The following PSMB7 variants were observed in gnomAD, a reference collection of about 807,000 sequenced individuals.
PSMB7 encodes proteasome 20S subunit beta 7, also known as proteasome subunit beta type-7.
PSMB7 carries 5 observed loss-of-function variants against 28.1 expected under a neutral mutation model. The observed-to-expected ratio is 0.18, with a 90% CI of 0.09 to 0.37. The LOEUF (loss-of-function observed/expected upper bound fraction) is 0.37. PSMB7 is among the 10% of genes least tolerant of loss of function. PSMB7 has a pLI of 1.00. For synonymous variants in PSMB7, 122 were observed against 123.7 expected, an observed-to-expected ratio of 0.99 and a Z score of 0.09; for missense variants, 275 against 346.2, an observed-to-expected ratio of 0.79 and a Z score of 1.63.
In PSMB7 at chr9:124,405,427, T is replaced by C. The variant is rs1468110590; in HGVS notation, c.401A>G (p.Gln134Arg). 6.3e-7 allele frequency: 1 copy of C among 1,594,980 alleles called. No individual in the cohort carries two copies. Among genetic ancestry groups the C allele is most frequent in the Non-Finnish European group, 8.6e-7 (1 of 1,162,756 alleles). ...RMLKQMLFRYQGYIGAALVLG... is the reference protein window; with the variant it reads ...RMLKQMLFRYRGYIGAALVLG... ...AACTAGGGCTGCACCAATGTAACCTTGATACCTGGTGATCAGAGTATGCAT... is the reference window on the plus strand; with the variant it reads ...AACTAGGGCTGCACCAATGTAACCTCGATACCTGGTGATCAGAGTATGCAT... The change falls in exon 5 of 8, where the codon CAA becomes CGA. Residue 134 changes from glutamine to arginine, a missense_variant. Transcript: ENST00000259457.
At chr9:124,359,428 T>C (rs1023563559) in intron 6 of PSMB7, among the ~76,000 whole-genome samples, 1 of 152,242 alleles carries the variant, frequency 6.6e-6, no homozygotes, top group African/African-American at 2.4e-5. Context: ...GTTGGGCACT[T>C]TGATGATCAT....
intron 4 of PSMB7, among the ~76,000 whole-genome samples, chr9:124,411,265 C>G (rs1291466729): frequency 6.6e-6 from 1 of 152,172 alleles, no homozygotes; most frequent in Non-Finnish European, 1.5e-5. Context: ...TGCCACCGTG[C>G]CAAGCCAAAA....
intron 6 of PSMB7, among the ~76,000 whole-genome samples, chr9:124,374,394 A>G (rs945134191): frequency 6.6e-6 from 1 of 152,268 alleles, no homozygotes; most frequent in African/African-American, 2.4e-5. Flanking sequence ...ATAGGTGTGA[A>G]TTATCAATGA....
intron 4 of PSMB7, among the ~76,000 whole-genome samples, chr9:124,409,617 T>G (rs1588583570): frequency 6.6e-6 from 1 of 152,260 alleles, no homozygotes; most frequent in East Asian, 1.9e-4. Flanking sequence ...GAACACCTTG[T>G]ACTCTTTTTC....
intron 6 of PSMB7, among the ~76,000 whole-genome samples, chr9:124,357,792 G>A (rs373669285): frequency 1.3e-5 from 2 of 152,202 alleles, no homozygotes; most frequent in Admixed American, 6.5e-5. Context: ...TAAGAGTCTA[G>A]CAGGGGCACC....
intron 5 of PSMB7, among the ~76,000 whole-genome samples, chr9:124,386,142 T>G (rs1442902069): frequency 1.4e-5 from 2 of 141,708 alleles, no homozygotes; most frequent in African/African-American, 5.3e-5. Flanking sequence ...AATTTTTTTC[T>G]CCTTAAAAAA....
chr9:124,388,481 TATTTTA>T (rs1292773678), intron 5 of PSMB7, among the ~76,000 whole-genome samples: 6 of 152,236 alleles, frequency 3.9e-5, no homozygotes, highest in Non-Finnish European at 7.3e-5. Context: ...CCATGCGGCC[TATTTTA>T]GGTCATTTCA....
At chr9:124,367,122 T>A (rs1830516284) in intron 6 of PSMB7, among the ~76,000 whole-genome samples, 1 of 152,000 alleles carries the variant, frequency 6.6e-6, no homozygotes, top group Non-Finnish European at 1.5e-5. Context: ...CAATGAGAGA[T>A]GGTGGCGGGG....
intron 6 of PSMB7, among the ~76,000 whole-genome samples, chr9:124,374,311 T>C (rs570312503): frequency 6.6e-6 from 1 of 152,350 alleles, no homozygotes; most frequent in Non-Finnish European, 1.5e-5. Flanking sequence ...TAAGATTGAC[T>C]GTGGTAATAG....
At chr9:124,398,120 C>T (rs1830859975) in intron 5 of PSMB7, among the ~76,000 whole-genome samples, 1 of 151,712 alleles carries the variant, frequency 6.6e-6, no homozygotes, top group South Asian at 2.1e-4. Context: ...CTGCAGTGAG[C>T]CAAAATCGAG....
chr9:124,359,780 T>C (rs1830450081), intron 6 of PSMB7, among the ~76,000 whole-genome samples: 2 of 152,126 alleles, frequency 1.3e-5, no homozygotes, highest in South Asian at 2.1e-4. Flanking sequence ...CCATTGGGGG[T>C]TGGAGGGCAG....
chr9:124,376,892 C>T (rs982154856), intron 6 of PSMB7, among the ~76,000 whole-genome samples: 1 of 152,114 alleles, frequency 6.6e-6, no homozygotes, highest in Non-Finnish European at 1.5e-5. Context: ...AAAATGGAGA[C>T]AACAAAGTAC....
chr9:124,397,006 CA>C (rs1830849817), intron 5 of PSMB7, among the ~76,000 whole-genome samples: 2 of 152,074 alleles, frequency 1.3e-5, no homozygotes, highest in Non-Finnish European at 2.9e-5. Context: ...TAGCCTCTTC[CA>C]AATTACTCTC....
intron 6 of PSMB7, among the ~76,000 whole-genome samples, chr9:124,367,858 A>G (rs10818950): frequency 0.36 from 55,006 of 151,980 alleles, 10,172 homozygotes; most frequent in Non-Finnish European, 0.4. Flanking sequence ...CCCATCTCCA[A>G]CACTCACAAA....
chr9:124,367,855 C>A (rs1830522372), intron 6 of PSMB7, among the ~76,000 whole-genome samples: 1 of 152,162 alleles, frequency 6.6e-6, no homozygotes, highest in Admixed American at 6.5e-5. Flanking sequence ...CTACCCATCT[C>A]CAACACTCAC....
intron 5 of PSMB7, among the ~76,000 whole-genome samples, chr9:124,398,121 CA>C (rs1830860036): frequency 6.7e-6 from 1 of 150,224 alleles, no homozygotes; most frequent in Non-Finnish European, 1.5e-5. Flanking sequence ...TGCAGTGAGC[CA>C]AAATCGAGCC....
At chr9:124,394,410 T>A (rs1277237344) in intron 5 of PSMB7, among the ~76,000 whole-genome samples, 3 of 152,160 alleles carry the variant, frequency 2.0e-5, no homozygotes, top group Admixed American at 2.0e-4. Context: ...CAAGAGCAGA[T>A]AAAGATGAGC....
At chr9:124,400,047 C>T (rs1830883688) in intron 5 of PSMB7, among the ~76,000 whole-genome samples, 1 of 152,120 alleles carries the variant, frequency 6.6e-6, no homozygotes, top group African/African-American at 2.4e-5. Flanking sequence ...AACATCCATC[C>T]CTCTTCCACC....
chr9:124,359,779 G>T (rs888071612), intron 6 of PSMB7, among the ~76,000 whole-genome samples: 14 of 152,210 alleles, frequency 9.2e-5, no homozygotes, highest in African/African-American at 3.4e-4. Flanking sequence ...CCCATTGGGG[G>T]TTGGAGGGCA....
Sources: gnomAD v4.1 joint callset for allele counts (sites outside exome capture counted in the v4.1 genomes callset) on GRCh38, gnomAD v4.1.1 for gene constraint, MANE v1.5 for transcripts, NCBI Gene and HGNC (gene_info 2026-07-23, HGNC 2026-07-21) for gene names.